TUBGCP3: variants seen among roughly 807,000 people sequenced by gnomAD.
The protein encoded by TUBGCP3 is tubulin gamma complex component 3, also known as gamma-tubulin complex component 3.
TUBGCP3 carries 50 observed loss-of-function variants against 123.1 expected under a neutral mutation model. The ratio of observed to expected loss-of-function variants is 0.41; its 90% CI spans 0.32 to 0.51. The LOEUF is 0.51. TUBGCP3 is among the 20% of genes least tolerant of loss of function. The pLI, the probability that TUBGCP3 is intolerant of heterozygous loss-of-function variation, is 0.36. For synonymous variants in TUBGCP3, 405 were observed against 413.9 expected (o/e 0.98, Z 0.26); for missense variants, 882 against 1,127.0 (o/e 0.78, Z 3.11).
intron 8 of TUBGCP3, among the ~76,000 whole-genome samples, chr13:112,550,967 T>C (rs575768164): frequency 1.1e-4 from 16 of 152,086 alleles, no homozygotes; most frequent in South Asian, 4.1e-4. Flanking sequence ...GGCGTGGTGG[T>C]GGGTGCCTGT....
At chr13:112,554,305 A>T in intron 7 of TUBGCP3, 123 bp from the exon 8 acceptor site, 1 of 1,187,292 alleles carries the variant, frequency 8.4e-7, no homozygotes, top group Non-Finnish European at 1.2e-6. Flanking sequence ...ATAAAAGTTA[A>T]AACTAAGATC....
chr13:112,527,264 T>C, intron 12 of TUBGCP3, 110 bp downstream of exon 12: 1 of 858,196 alleles, frequency 1.2e-6, no homozygotes, highest in South Asian at 1.7e-5. Context: ...CTCCAGAACG[T>C]TAACAATCTC....
chr13:112,489,089 AC>A (rs1879890561), intron 21 of TUBGCP3, among the ~76,000 whole-genome samples: 1 of 123,306 alleles, frequency 8.1e-6, no homozygotes. Flanking sequence ...CACACCCACC[AC>A]AGTGGAGCAC....
intron 10 of TUBGCP3, chr13:112,546,134 G>A (rs1878967195): frequency 2.8e-6 from 1 of 361,800 alleles, no homozygotes; most frequent in African/African-American, 2.0e-5. Context: ...ACAAAAAGTA[G>A]CAAAAAATTG....
At chr13:112,571,279 T>C (rs1881369354) in intron 1 of TUBGCP3, among the ~76,000 whole-genome samples, 1 of 152,236 alleles carries the variant, frequency 6.6e-6, no homozygotes, top group Non-Finnish European at 1.5e-5. Flanking sequence ...TCTCAAGTGA[T>C]AAGATTTGAA....
At chr13:112,518,107 C>G (rs999559878) in intron 16 of TUBGCP3, among the ~76,000 whole-genome samples, 1 of 152,048 alleles carries the variant, frequency 6.6e-6, no homozygotes, top group African/African-American at 2.4e-5. Flanking sequence ...GGAAATTGCA[C>G]CAGCAGTTCC....
At chr13:112,549,605 GCCAATCCTC>G (rs1820312711) in intron 8 of TUBGCP3, among the ~76,000 whole-genome samples, 1 of 151,972 alleles carries the variant, frequency 6.6e-6, no homozygotes, top group Admixed American at 6.6e-5. Context: ...GCAGCTCAAT[GCCAATCCTC>G]CTAATTTTTG....
chr13:112,520,542 A>T (rs1236987946), intron 14 of TUBGCP3, among the ~76,000 whole-genome samples: 1 of 152,180 alleles, frequency 6.6e-6, no homozygotes, highest in Non-Finnish European at 1.5e-5. Flanking sequence ...AAAAAAGAAA[A>T]AAAAAGAACT....
At chr13:112,486,215 C>A in intron 21 of TUBGCP3, 64 bp from the exon 22 acceptor site, 2 of 1,582,022 alleles carry the variant, frequency 1.3e-6, no homozygotes, top group South Asian at 1.2e-5. Context: ...ACGTATTCCC[C>A]GGACCTTAAT....
Position 112,588,097 on chromosome 13 carries a change from AGGCGCG to A in TUBGCP3, c.-123_-118del, listed in dbSNP as rs1882765176. ...CAAGCTCCCTGCTCCTGACAGGCTAAGGCGCGGGCGCCGCCGGCCACCAGGGCGCCA... is the reference window on the plus strand; with the variant it reads ...CAAGCTCCCTGCTCCTGACAGGCTAAGGCGCCGCCGGCCACCAGGGCGCCA... On this transcript the variant is annotated 5_prime_UTR_variant, in exon 1 of 22. Transcript: ENST00000261965. 1.1e-6 allele frequency: 1 copy of A among 938,526 alleles called. No homozygotes were observed. The highest frequency in any genetic ancestry group is 1.4e-6 in the Non-Finnish European group (1 of 702,030). The allele number at this position is 938,526 out of a possible 1,614,324, so 58.1% of individuals were successfully genotyped here. A position where few individuals can be genotyped will look rare whatever the true frequency, so the allele number is the denominator to read the frequency against.
chr13:112,586,081 T>C lies in TUBGCP3; in HGVS notation c.76+1824A>G, dbSNP rs374198432. Among the ~76,000 whole-genome samples the C allele has an allele frequency of 1.6e-4, 24 of 151,330 alleles. No homozygotes were observed. The East Asian group carries it at 3.9e-3, about 25-fold the overall frequency. On this transcript the variant is annotated intron_variant, in intron 1 of 21. Transcript: ENST00000261965. ...AGTGAAACCCCGTCTCTACTAAAAA[T>C]ACAAAAAATGAGCCAGGCGTGGTGG...
chr13:112,502,753 C>T (rs1881016916), intron 19 of TUBGCP3, among the ~76,000 whole-genome samples: 1 of 151,844 alleles, frequency 6.6e-6, no homozygotes, highest in Admixed American at 6.6e-5. Flanking sequence ...CACAGTCTTA[C>T]CCAGGATGGT....
At chr13:112,496,460 A>C (rs1207551070) in intron 20 of TUBGCP3, among the ~76,000 whole-genome samples, 2 of 152,238 alleles carry the variant, frequency 1.3e-5, no homozygotes, top group African/African-American at 4.8e-5. Flanking sequence ...AGGGGACCTC[A>C]GGTCGAAATG....
intron 8 of TUBGCP3, among the ~76,000 whole-genome samples, chr13:112,549,847 G>A (rs552957459): frequency 2.4e-4 from 37 of 151,994 alleles, no homozygotes; most frequent in African/African-American, 7.0e-4. Flanking sequence ...AAAATTAGCC[G>A]GGCGTGTTGG....
chr13:112,531,275 C>G (rs1877549538), intron 11 of TUBGCP3, among the ~76,000 whole-genome samples: 1 of 152,138 alleles, frequency 6.6e-6, no homozygotes, highest in South Asian at 2.1e-4. Context: ...ACTAAAATGT[C>G]TTATCTTTAA....
intron 13 of TUBGCP3, among the ~76,000 whole-genome samples, chr13:112,523,319 T>C (rs1033057510): frequency 1.3e-5 from 2 of 152,206 alleles, no homozygotes; most frequent in African/African-American, 4.8e-5. Context: ...AGAGTTTAAG[T>C]CTCTTTCCAC....
chr13:112,486,791 C>A (rs1045983177), intron 21 of TUBGCP3, among the ~76,000 whole-genome samples: 1 of 152,220 alleles, frequency 6.6e-6, no homozygotes, highest in African/African-American at 2.4e-5. Context: ...CAGGCCCATC[C>A]CCGCCCAGTG....
intron 11 of TUBGCP3, among the ~76,000 whole-genome samples, chr13:112,542,112 A>G (rs1194363965): frequency 6.6e-6 from 1 of 152,228 alleles, no homozygotes; most frequent in Non-Finnish European, 1.5e-5. Context: ...ACCACTAAGC[A>G]TGGCTGAGAG....
intron 8 of TUBGCP3, among the ~76,000 whole-genome samples, chr13:112,552,748 ACTCCTCCCCACCAGCCACG>A (rs1267454218): frequency 6.7e-5 from 10 of 148,886 alleles, no homozygotes; most frequent in Non-Finnish European, 7.4e-5. Flanking sequence ...GCCACAGCAC[ACTCCTCCCCACCAGCCACG>A]CTCCTCCCCA....
Sources: gnomAD v4.1 joint callset for allele counts (sites outside exome capture counted in the v4.1 genomes callset) on GRCh38, gnomAD v4.1.1 for gene constraint, MANE v1.5 for transcripts, NCBI Gene and HGNC (gene_info 2026-07-23, HGNC 2026-07-21) for gene names.